Variants in WHAMM observed in about 807,000 individuals in gnomAD.
The protein encoded by WHAMM is WASP homolog-associated protein with actin, membranes and microtubules.
In WHAMM, 67 loss-of-function variants were observed where a neutral mutation model predicts 76.5. The observed-to-expected ratio is 0.88, with a 90% CI of 0.72 to 1.07. WHAMM has a LOEUF of 1.07. Among genes scored for constraint, WHAMM ranks in the 50% least tolerant of loss-of-function variants. The pLI is 0.00. For missense variants in WHAMM, 1,021 were observed against 1,051.1 expected (o/e 0.97, Z 0.40); for synonymous variants, 419 against 422.1 (o/e 0.99, Z 0.09).
intron 2 of WHAMM, among the ~76,000 whole-genome samples, chr15:82,814,458 C>CT (rs1004460359): frequency 9.2e-5 from 14 of 151,536 alleles, no homozygotes; most frequent in African/African-American, 3.1e-4. Context: ...TTCCTTTCTT[C>CT]TTTTTTTTTG....
intron 2 of WHAMM, among the ~76,000 whole-genome samples, chr15:82,815,945 T>C (rs2050719638): frequency 6.6e-6 from 1 of 152,206 alleles, no homozygotes; most frequent in African/African-American, 2.4e-5. Context: ...AAACTTTTTT[T>C]TCACAGTTCT....
At chr15:82,814,753 A>G (rs1281840398) in intron 2 of WHAMM, among the ~76,000 whole-genome samples, 2 of 132,600 alleles carry the variant, frequency 1.5e-5, no homozygotes, top group Admixed American at 1.6e-4. Context: ...CACCCAGCCT[A>G]TATTTTTCCT....
chr15:82,818,198 G>C, intron 4 of WHAMM, 109 bp downstream of exon 4: 2 of 1,221,158 alleles, frequency 1.6e-6, no homozygotes, highest in Non-Finnish European at 2.3e-6. Context: ...GATATATTGT[G>C]TAGTGGTGAA....
At chr15:82,829,627 A>T (rs1338649589) in intron 8 of WHAMM, among the ~76,000 whole-genome samples, 1 of 152,002 alleles carries the variant, frequency 6.6e-6, no homozygotes, top group Non-Finnish European at 1.5e-5. Context: ...GGGAAATAGA[A>T]ATACTCCTTG....
At chr15:82,832,265 A>G (rs1255492072) in intron 9 of WHAMM, among the ~76,000 whole-genome samples, 1 of 152,198 alleles carries the variant, frequency 6.6e-6, no homozygotes, top group East Asian at 1.9e-4. Context: ...TGATTGTGAA[A>G]CCTGTCTCAT....
At position 82,819,500 on chromosome 15, in the gene WHAMM, G is replaced by A. The variant is rs2050783857; in HGVS notation, c.1270+12G>A. 1 of 1,166,696 alleles carries A rather than the reference G, an allele frequency of 8.6e-7. No homozygotes were observed. The highest frequency in any genetic ancestry group is 1.7e-5 in the South Asian group (1 of 57,530). The allele number at this position is 1,166,696 out of a possible 1,614,324, so 72.3% of individuals were successfully genotyped here. ...AAGACTTATAAAAGGTAAAATTTAA[G>A]TATATAGATTGCAATGTTTAAATTA... On this transcript the variant is annotated intron_variant, in intron 5 of 9. Coordinates refer to ENST00000286760, the MANE Select transcript of WHAMM (RefSeq NM_001080435.3).
chr15:82,810,211 G>C lies in WHAMM; in HGVS notation c.485G>C (p.Gly162Ala), dbSNP rs1442714636. ...YLGAAADGCGGATVRDALFPA... is the reference protein window; with the variant it reads ...YLGAAADGCGAATVRDALFPA... ...GGCGCGGCGGCCGACGGCTGCGGCG[G>C]CGCCACAGTGCGCGACGCACTCTTC... is the stretch of plus-strand genomic sequence containing the variant. Residue 162 changes from glycine to alanine, a missense_variant, in exon 1 of 10, where the codon GGC becomes GCC. This residue lies in a region of WHAMM where 501 missense variants were observed against 524.9 expected (regional missense o/e 0.95). Coordinates refer to ENST00000286760, the MANE Select transcript of WHAMM (RefSeq NM_001080435.3). 1 of 1,412,052 alleles carries C rather than the reference G, an allele frequency of 7.1e-7. No individual in the cohort carries two copies. The highest frequency in any genetic ancestry group is 2.6e-5 in the Admixed American group (1 of 38,140). The allele number at this position is 1,412,052 out of a possible 1,614,324, so 87.5% of individuals were successfully genotyped here. A position where few individuals can be genotyped will look rare whatever the true frequency, so the allele number is the denominator to read the frequency against.
intron 5 of WHAMM, among the ~76,000 whole-genome samples, chr15:82,822,238 T>C (rs2151565838): frequency 6.6e-6 from 1 of 152,282 alleles, no homozygotes; most frequent in South Asian, 2.1e-4. Context: ...ATAAGTTGCC[T>C]TTCTGGAGGG....
At chr15:82,811,013 A>G (rs1233995525) in intron 1 of WHAMM, among the ~76,000 whole-genome samples, 2 of 152,188 alleles carry the variant, frequency 1.3e-5, no homozygotes, top group Non-Finnish European at 1.5e-5. Flanking sequence ...GTCCACACCC[A>G]CAGTTTATTA....
chr15:82,816,946 G>A, intron 3 of WHAMM, 104 bp downstream of exon 3: 1 of 1,181,930 alleles, frequency 8.5e-7, no homozygotes, highest in Non-Finnish European at 1.2e-6. Context: ...TGTTTTCTAG[G>A]TGCTGAGAAT....
Position 82,819,426 on chromosome 15 carries a change from T to TA in WHAMM, c.1209dup (p.Leu404IlefsTer16). On this transcript the variant is annotated frameshift_variant, in exon 5 of 10. Coordinates refer to ENST00000286760, the MANE Select transcript of WHAMM (RefSeq NM_001080435.3). LOFTEE classifies it high-confidence loss of function. ...GAACTATATGAAGTTAAATTTGAGATATTAAAAAACGAAGAAATACTGCTT... is the reference window on the plus strand; with the variant it reads ...GAACTATATGAAGTTAAATTTGAGATAATTAAAAAACGAAGAAATACTGCTT... 7.9e-7 allele frequency: 1 copy of TA among 1,259,516 alleles called. No individual in the cohort carries two copies. Among genetic ancestry groups the TA allele is most frequent in the Non-Finnish European group, 1.1e-6 (1 of 939,290 alleles). 78.0% of individuals were successfully genotyped at this position (1,259,516 alleles called of 1,614,324 possible). A position where few individuals can be genotyped will look rare whatever the true frequency, so the allele number is the denominator to read the frequency against.
chr15:82,833,697 TTTTC>T lies in WHAMM; in HGVS notation c.*165_*168del, dbSNP rs1197923509. ...TAGGCTGCTGCAGCATTTTTTTTTTTTTTCTTTTTTGAGATGGAGTCTCACTCTG... is the reference window on the plus strand; with the variant it reads ...TAGGCTGCTGCAGCATTTTTTTTTTTTTTTTTGAGATGGAGTCTCACTCTG... On this transcript the variant is annotated 3_prime_UTR_variant, in exon 10 of 10. Transcript: ENST00000286760. 17 of 815,052 alleles carry T rather than the reference TTTTC, an allele frequency of 2.1e-5. No individual in the cohort carries two copies. The South Asian group carries it at 2.3e-4, about 11-fold the overall frequency. The allele number at this position is 815,052 out of a possible 1,614,324, so 50.5% of individuals were successfully genotyped here.
rs933307696 is a variant in WHAMM, at chr15:82,830,682, G to A, written c.1725G>A (p.Met575Ile). The A allele has an allele frequency of 6.2e-7, 1 of 1,613,978 alleles. No homozygotes were observed. Among genetic ancestry groups the A allele is most frequent in the African/African-American group, 1.3e-5 (1 of 75,034 alleles). Residue 575 changes from methionine to isoleucine, a missense_variant, in exon 9 of 10, where the codon ATG (methionine) becomes ATA (isoleucine). Physicochemically the swap from Met to Ile is conservative, Grantham distance 10 (BLOSUM62 1). Around this residue, in one of 3 missense-constraint regions of WHAMM, gnomAD observed 509 missense variants for 492.3 expected, o/e 1.03. Coordinates refer to ENST00000286760, the MANE Select transcript of WHAMM (RefSeq NM_001080435.3). ...PNLPSDLSQQMCLPASHAVSV... is the reference protein window; with the variant it reads ...PNLPSDLSQQICLPASHAVSV... ...TGCCAAGTGATCTTTCCCAGCAGAT[G>A]TGCTTGCCAGCTTCCCACGCGGTGT...
intron 1 of WHAMM, among the ~76,000 whole-genome samples, chr15:82,812,373 C>T (rs1357550639): frequency 9.2e-5 from 14 of 152,100 alleles, no homozygotes; most frequent in African/African-American, 3.4e-4. Context: ...GGACTGCAGG[C>T]GCCCGCCACC....
At chr15:82,820,274 TTC>T (rs1330172950) in intron 5 of WHAMM, among the ~76,000 whole-genome samples, 2 of 152,072 alleles carry the variant, frequency 1.3e-5, no homozygotes, top group Non-Finnish European at 2.9e-5. Context: ...ATAACTGTCT[TTC>T]TATTTCAGTG....
At position 82,831,074 on chromosome 15, in the gene WHAMM, G is replaced by T. The variant is rs780491539; in HGVS notation, c.2117G>T (p.Cys706Phe). The T allele has an allele frequency of 1.6e-5, 25 of 1,604,902 alleles. No individual in the cohort carries two copies. The highest frequency in any genetic ancestry group is 2.1e-5 in the Non-Finnish European group (25 of 1,179,378). ...RPRDSLESFS[C>F]PGSMDEVLAS... The stretch of plus-strand genomic sequence containing the variant: ...CGTGACTCCTTGGAAAGTTTTTCAT[G>T]TCCAGGTAATCCACTGGAATTCTGT... Residue 706 changes from cysteine (C) to phenylalanine (F), a missense_variant, in exon 9 of 10, where the codon TGT becomes TTT. This residue lies in a region of WHAMM where 509 missense variants were observed against 492.3 expected (regional missense o/e 1.03). Transcript: ENST00000286760.
intron 2 of WHAMM, among the ~76,000 whole-genome samples, chr15:82,816,292 C>T (rs1404436319): frequency 3.3e-5 from 5 of 152,052 alleles, no homozygotes; most frequent in African/African-American, 1.2e-4. Context: ...ATTACATATC[C>T]CTAAAAGAAA....
intron 2 of WHAMM, among the ~76,000 whole-genome samples, chr15:82,813,665 T>A (rs1426022988): frequency 7.4e-6 from 1 of 136,010 alleles, no homozygotes; most frequent in African/African-American, 2.8e-5. Flanking sequence ...TTTTTTTTTT[T>A]TTTTTTTTTT....
chr15:82,812,701 C>CT (rs913079107), intron 1 of WHAMM, among the ~76,000 whole-genome samples: 13 of 151,034 alleles, frequency 8.6e-5, no homozygotes, highest in Non-Finnish European at 1.5e-4. Flanking sequence ...ATAAAAGTGT[C>CT]TTTTTTTTTG....
Sources: allele counts gnomAD v4.1 joint callset (sites outside exome capture counted in the v4.1 genomes callset), GRCh38; gene constraint gnomAD v4.1.1; regional missense constraint gnomAD v4.1.1; transcripts MANE v1.5; gene names NCBI Gene and HGNC (gene_info 2026-07-23, HGNC 2026-07-21).